The following NAA25 variants were observed in gnomAD, a reference collection of about 807,000 sequenced individuals.
NAA25 encodes the protein N-alpha-acetyltransferase 25, NatB auxiliary subunit.
Under a neutral mutation model 132.5 loss-of-function variants are expected in NAA25, and 30 were observed. The ratio of observed to expected loss-of-function variants is 0.23; its 90% CI spans 0.17 to 0.31. The LOEUF is 0.31. NAA25 is among the 10% of genes least tolerant of loss of function. The probability of loss-of-function intolerance (pLI) is 1.00; values close to 1 mark genes in which losing one functional copy is unlikely to be tolerated. For missense variants in NAA25, 771 were observed against 1,150.4 expected (o/e 0.67, Z 4.77); for synonymous variants, 359 against 401.9 (o/e 0.89, Z 1.28).
At chr12:112,108,269 A>T (rs2079394054) in intron 1 of NAA25, among the ~76,000 whole-genome samples, 1 of 152,074 alleles carries the variant, frequency 6.6e-6, no homozygotes, top group African/African-American at 2.4e-5. Flanking sequence ...AAGCCCACCT[A>T]GTCAGACAAC....
chr12:112,096,083 G>C (rs1306176292), intron 1 of NAA25, among the ~76,000 whole-genome samples: 1 of 152,150 alleles, frequency 6.6e-6, no homozygotes, highest in Non-Finnish European at 1.5e-5. Context: ...GGGAGTATTT[G>C]GGAACTCTGT....
At chr12:112,043,014 A>G in intron 19 of NAA25, 74 bp downstream of exon 19, 1 of 1,416,138 alleles carries the variant, frequency 7.1e-7, no homozygotes, top group South Asian at 1.6e-5. Flanking sequence ...TCCAGATGTG[A>G]GGTTATAGAC....
intron 1 of NAA25, among the ~76,000 whole-genome samples, chr12:112,096,807 TAA>T (rs2079218700): frequency 1.3e-5 from 2 of 152,242 alleles, no homozygotes; most frequent in Admixed American, 1.3e-4. Flanking sequence ...GAGTCAGTTC[TAA>T]GTCATTGCTG....
At chr12:112,079,136 T>C (rs1247734863) in intron 5 of NAA25, among the ~76,000 whole-genome samples, 1 of 152,210 alleles carries the variant, frequency 6.6e-6, no homozygotes, top group African/African-American at 2.4e-5. Context: ...CCAATTCCTT[T>C]CATTACACAG....
At chr12:112,055,924 G>A (rs2078537800) in intron 13 of NAA25, among the ~76,000 whole-genome samples, 1 of 152,126 alleles carries the variant, frequency 6.6e-6, no homozygotes, top group Non-Finnish European at 1.5e-5. Flanking sequence ...GATAGGCCGG[G>A]CATAGTAGCT....
intron 1 of NAA25, among the ~76,000 whole-genome samples, chr12:112,101,512 T>A (rs942905537): frequency 5.9e-5 from 9 of 151,916 alleles, no homozygotes; most frequent in African/African-American, 2.2e-4. Context: ...ATCCCAACAG[T>A]TTGGGAGGCC....
At chr12:112,043,603 G>A in intron 18 of NAA25, 22 bp downstream of exon 18, 2 of 1,608,696 alleles carry the variant, frequency 1.2e-6, no homozygotes, top group Non-Finnish European at 8.5e-7. Flanking sequence ...CAACTTTGAT[G>A]GTAAATATGT....
rs769711542 is a variant in NAA25, at chr12:112,049,460, T to C, written c.1729-1017A>G. ...CTGAATAATTTGCCCAGTAGGAAAA[T>C]AGGCCAATAGTCAACAACATACCCT... On this transcript the variant is annotated intron_variant, in intron 15 of 23. Coordinates refer to ENST00000261745, the MANE Select transcript of NAA25 (RefSeq NM_024953.4). This position sits in a 1 kb window ranked among gnomAD's most constrained non-coding sequence, Gnocchi z 4.7. 1.4e-5 allele frequency: 14 copies of C among 985,710 alleles called. No individual in the cohort carries two copies. Among genetic ancestry groups the C allele is most frequent in the African/African-American group, 3.5e-5 (2 of 57,228 alleles). 61.1% of individuals were successfully genotyped at this position (985,710 alleles called of 1,614,324 possible).
Position 112,043,703 on chromosome 12 carries a change from A to C in NAA25, c.2172T>G (p.Ile724Met). ...GTTGAAGGAGCAAACGAAGAATATC[A>C]ATCCGGGAGGATACCCCATTCTCGG... ...KTAENGVSSR[I>M]DILRLLLQQL... Residue 724 changes from isoleucine to methionine, a missense_variant, in exon 18 of 24, where the codon ATT becomes ATG. Ile to Met is a conservative substitution (Grantham distance 10). This residue lies in a region of NAA25 where 324 missense variants were observed against 400.0 expected (regional missense o/e 0.81). Coordinates refer to ENST00000261745, the MANE Select transcript of NAA25 (RefSeq NM_024953.4). The C allele has an allele frequency of 6.2e-7, 1 of 1,614,198 alleles. No homozygotes were observed. Among genetic ancestry groups the C allele is most frequent in the Non-Finnish European group, 8.5e-7 (1 of 1,180,038 alleles).
At chr12:112,083,062 C>T (rs1438658550) in intron 4 of NAA25, among the ~76,000 whole-genome samples, 2 of 151,992 alleles carry the variant, frequency 1.3e-5, no homozygotes, top group Non-Finnish European at 2.9e-5. Flanking sequence ...ATTTATAAAT[C>T]TATACTCTTC....
intron 2 of NAA25, among the ~76,000 whole-genome samples, chr12:112,091,091 G>A (rs2079121145): frequency 6.6e-6 from 1 of 151,916 alleles, no homozygotes; most frequent in Admixed American, 6.6e-5. Flanking sequence ...AACGTGGTGA[G>A]ACTCCATCTC....
intron 2 of NAA25, among the ~76,000 whole-genome samples, chr12:112,092,681 CCTT>C (rs2079152517): frequency 1.3e-5 from 2 of 149,308 alleles, no homozygotes; most frequent in Admixed American, 1.4e-4. Context: ...TTCTCCCCCC[CCTT>C]TTTTTTTTTT....
rs569776502 is a variant in NAA25 at position 112,092,747 on chromosome 12, C to T, written c.144+304G>A. ...GGCTAGAGTGCAATGGTGCGATCTC[C>T]GCTCACTGCAACCTCCACCTCCTGG... On this transcript the variant is annotated intron_variant, in intron 2 of 23. Transcript: ENST00000261745. Among the ~76,000 whole-genome samples the T allele has an allele frequency of 5.3e-4, 80 of 151,832 alleles. No individual in the cohort carries two copies. In the Middle Eastern group the frequency reaches 0.027, roughly 52 times the overall value.
intron 1 of NAA25, among the ~76,000 whole-genome samples, chr12:112,098,134 A>AAC (rs1555240926): frequency 6.6e-6 from 1 of 150,920 alleles, no homozygotes; most frequent in Non-Finnish European, 1.5e-5. Context: ...AAAAAAAAAA[A>AAC]AAAAAAACCA....
chr12:112,053,521 A>T, intron 15 of NAA25, 37 bp downstream of exon 15: 1 of 1,417,116 alleles, frequency 7.1e-7, no homozygotes, highest in Non-Finnish European at 9.9e-7. Flanking sequence ...TGCAGTCAGC[A>T]GACAAGATCA....
chr12:112,079,066 T>C (rs536168017), intron 5 of NAA25, among the ~76,000 whole-genome samples: 1 of 152,282 alleles, frequency 6.6e-6, no homozygotes, highest in East Asian at 1.9e-4. Flanking sequence ...TATTATCAGG[T>C]ATTTGAAGAG....
At chr12:112,087,110 C>G (rs34318726) in intron 4 of NAA25, among the ~76,000 whole-genome samples, 1 of 151,852 alleles carries the variant, frequency 6.6e-6, no homozygotes, top group Non-Finnish European at 1.5e-5. Flanking sequence ...TACCCGCAAC[C>G]TAATTCAAAT....
intron 11 of NAA25, among the ~76,000 whole-genome samples, chr12:112,066,714 C>A (rs890394033): frequency 8.5e-5 from 13 of 152,156 alleles, no homozygotes; most frequent in Admixed American, 5.9e-4. Context: ...CACAGCAACT[C>A]AAACAGAGCT....
intron 8 of NAA25, among the ~76,000 whole-genome samples, chr12:112,075,301 GCCT>G (rs1328876194): frequency 6.6e-6 from 1 of 151,804 alleles, no homozygotes; most frequent in Non-Finnish European, 1.5e-5. Flanking sequence ...CGATTCTTGT[GCCT>G]CAGCTTCCCG....
Sources: gnomAD v4.1 joint callset for allele counts (sites outside exome capture counted in the v4.1 genomes callset) on GRCh38, gnomAD v4.1.1 for gene constraint, gnomAD v4.1.1 regional missense constraint, Gnocchi (gnomAD v3.1) non-coding constraint, MANE v1.5 for transcripts, NCBI Gene and HGNC (gene_info 2026-07-23, HGNC 2026-07-21) for gene names.